Variants in OPCML observed in about 807,000 individuals in gnomAD.
The protein encoded by OPCML is opioid-binding protein/cell adhesion molecule.
In OPCML, 13 loss-of-function variants were observed where a neutral mutation model predicts 37.8. The observed-to-expected ratio is 0.34, with a 90% CI of 0.22 to 0.55. The LOEUF (loss-of-function observed/expected upper bound fraction) is 0.55. Among genes scored for constraint, OPCML ranks in the 20% least tolerant of loss-of-function variants. The pLI, the probability that OPCML is intolerant of heterozygous loss-of-function variation, is 0.91. For missense variants in OPCML, 341 were observed against 435.6 expected (o/e 0.78, Z 1.93); for synonymous variants, 176 against 168.8 (o/e 1.04, Z -0.33).
chr11:132,950,465 G>C (rs753743180), intron 1 of OPCML, among the ~76,000 whole-genome samples: 3 of 152,182 alleles, frequency 2.0e-5, no homozygotes, highest in Non-Finnish European at 4.4e-5. Flanking sequence ...GGTTTAAGGA[G>C]GCAGGAATTG....
At chr11:133,342,132 A>G (rs1172381320) in intron 1 of OPCML, among the ~76,000 whole-genome samples, 1 of 152,150 alleles carries the variant, frequency 6.6e-6, no homozygotes, top group African/African-American at 2.4e-5. Flanking sequence ...CCGGCTAGGC[A>G]TTAGCTTCCT....
rs749705629 is a variant in OPCML, at chr11:132,688,956, CAAAAAAAAAAA to C, written c.147-31648_147-31638del. 2.8e-4 allele frequency among the ~76,000 whole-genome samples: 4 copies of C among 14,446 alleles called. 1 individual carries two copies. Among genetic ancestry groups the C allele is most frequent in the Admixed American group, 1.5e-3 (1 of 646 alleles). The allele number at this position is 14,446 out of a possible 152,430, so 9.5% of individuals were successfully genotyped here. On this transcript the variant is annotated intron_variant, in intron 2 of 7. Transcript: ENST00000524381. ...TGGGCGACAGAGCGAGACTCCGTCT[CAAAAAAAAAAA>C]AAAAAAAAAAAAAAAAATAGAAAAG...
At chr11:133,214,526 G>A (rs903055380) in intron 1 of OPCML, among the ~76,000 whole-genome samples, 1 of 152,026 alleles carries the variant, frequency 6.6e-6, no homozygotes, top group Non-Finnish European at 1.5e-5. Context: ...GTCTCAAATA[G>A]TCTTTCCATA....
At chr11:133,474,061 T>C (rs901778186) in intron 1 of OPCML, among the ~76,000 whole-genome samples, 1 of 152,236 alleles carries the variant, frequency 6.6e-6, no homozygotes, top group Non-Finnish European at 1.5e-5. Context: ...GACCCCATCA[T>C]CTTTTTACAT....
chr11:132,614,842 C>A (rs1319054386), intron 3 of OPCML, among the ~76,000 whole-genome samples: 1 of 152,122 alleles, frequency 6.6e-6, no homozygotes, highest in African/African-American at 2.4e-5. Flanking sequence ...CTGGAAAGTC[C>A]AATAACATAC....
At chr11:132,565,675 A>G (rs1338177805) in intron 3 of OPCML, among the ~76,000 whole-genome samples, 2 of 152,182 alleles carry the variant, frequency 1.3e-5, no homozygotes, top group African/African-American at 4.8e-5. Flanking sequence ...TATATAGAAA[A>G]CCAATGTGTC....
chr11:132,715,050 A>AAAG (rs1565800167), intron 2 of OPCML, among the ~76,000 whole-genome samples: 1 of 152,118 alleles, frequency 6.6e-6, no homozygotes, highest in African/African-American at 2.4e-5. Context: ...CTCATGGGCA[A>AAAG]GGGAGGGCAG....
chr11:133,490,576 C>T (rs955287444), intron 1 of OPCML, among the ~76,000 whole-genome samples: 1 of 152,144 alleles, frequency 6.6e-6, no homozygotes, highest in Non-Finnish European at 1.5e-5. Flanking sequence ...AATAAGCCAC[C>T]TCCTCTCAAC....
At chr11:132,492,545 G>A (rs540592492) in intron 4 of OPCML, among the ~76,000 whole-genome samples, 56 of 152,144 alleles carry the variant, frequency 3.7e-4, no homozygotes, top group African/African-American at 1.3e-3. Context: ...GTTTTAACTG[G>A]GGGAGAATGA....
At chr11:132,536,950 T>C (rs1273238014) in intron 3 of OPCML, among the ~76,000 whole-genome samples, 3 of 152,200 alleles carry the variant, frequency 2.0e-5, no homozygotes, top group African/African-American at 7.2e-5. Context: ...TGTGTGTGCA[T>C]TGTTGTTAAT....
chr11:133,424,842 T>C (rs1203745161), intron 1 of OPCML, among the ~76,000 whole-genome samples: 1 of 152,154 alleles, frequency 6.6e-6, no homozygotes, highest in Non-Finnish European at 1.5e-5. Context: ...GAGGTAGCAA[T>C]ATGCCACAAA....
chr11:132,602,536 C>T (rs1937994837), intron 3 of OPCML, among the ~76,000 whole-genome samples: 1 of 152,196 alleles, frequency 6.6e-6, no homozygotes, highest in Non-Finnish European at 1.5e-5. Context: ...TTCTCTCACA[C>T]ATACTGAGTA....
chr11:132,768,923 T>C (rs1255700215), intron 2 of OPCML, among the ~76,000 whole-genome samples: 1 of 152,138 alleles, frequency 6.6e-6, no homozygotes, highest in Non-Finnish European at 1.5e-5. Context: ...AGCACTTTAT[T>C]TGATAAAATC....
At chr11:132,667,657 GA>G (rs1230848268) in intron 2 of OPCML, among the ~76,000 whole-genome samples, 8 of 152,174 alleles carry the variant, frequency 5.3e-5, no homozygotes, top group Admixed American at 5.2e-4. Context: ...TGGCTTTGTG[GA>G]TTCAGCTATG....
chr11:133,004,745 G>T, intron 1 of OPCML: 7 of 985,348 alleles, frequency 7.1e-6, no homozygotes, highest in Non-Finnish European at 7.2e-6. Flanking sequence ...CACACCGGAC[G>T]CGTGGATGGA....
At chr11:132,505,370 G>T (rs931014960) in intron 4 of OPCML, among the ~76,000 whole-genome samples, 3 of 152,098 alleles carry the variant, frequency 2.0e-5, no homozygotes, top group African/African-American at 7.2e-5. Flanking sequence ...CACTTAAAAA[G>T]GTTAAAGTGG....
Position 133,367,347 on chromosome 11 carries a change from C to T in OPCML, c.61+164917G>A, listed in dbSNP as rs933866015. Reference sequence around the variant, plus strand: ...ATGTTACTCTTCCCCCTGCTCCAACCGCCATCTCCTACAACCATCCTCAGC... The same window carrying T: ...ATGTTACTCTTCCCCCTGCTCCAACTGCCATCTCCTACAACCATCCTCAGC... On this transcript the variant is annotated intron_variant, in intron 1 of 7. Coordinates refer to ENST00000524381, the MANE Select transcript of OPCML (RefSeq NM_001012393.5). 7.9e-5 allele frequency among the ~76,000 whole-genome samples: 12 copies of T among 152,142 alleles called. No individual in the cohort carries two copies. In the South Asian group the frequency reaches 1.0e-3, roughly 13 times the overall value.
At chr11:133,100,286 A>G (rs553604937) in intron 1 of OPCML, among the ~76,000 whole-genome samples, 3 of 152,336 alleles carry the variant, frequency 2.0e-5, no homozygotes, top group African/African-American at 7.2e-5. Context: ...TTACGCATGT[A>G]AAAAATCTGC....
rs1306001709 is a variant in OPCML, at chr11:132,721,949, CCTTTTT to C, written c.147-64636_147-64631del. Among the ~76,000 whole-genome samples the C allele has an allele frequency of 3.2e-5, 4 of 123,920 alleles. No homozygotes were observed. The East Asian group carries it at 1.1e-3, about 34-fold the overall frequency. 81.3% of individuals were successfully genotyped at this position (123,920 alleles called of 152,430 possible). ...AGGGAATGTATTTTTTCTTTCCTTCCCTTTTTTTTTTTTTTTTTTTTTTTGAGATGG... is the reference window on the plus strand; with the variant it reads ...AGGGAATGTATTTTTTCTTTCCTTCCTTTTTTTTTTTTTTTTTTGAGATGG... On this transcript the variant is annotated intron_variant, in intron 2 of 7. Coordinates refer to ENST00000524381, the MANE Select transcript of OPCML (RefSeq NM_001012393.5).
Sources: gnomAD v4.1 joint callset for allele counts (sites outside exome capture counted in the v4.1 genomes callset) on GRCh38, gnomAD v4.1.1 for gene constraint, MANE v1.5 for transcripts, NCBI Gene and HGNC (gene_info 2026-07-23, HGNC 2026-07-21) for gene names.